The following DNAH8 variants were observed in gnomAD, a reference collection of about 807,000 sequenced individuals.
DNAH8 encodes the protein axonemal beta dynein heavy chain 8.
Under a neutral mutation model 562.1 loss-of-function variants are expected in DNAH8, and 382 were observed. The ratio of observed to expected loss-of-function variants is 0.68; its 90% CI spans 0.63 to 0.74. The LOEUF (loss-of-function observed/expected upper bound fraction) is 0.74. DNAH8 is among the 30% of genes least tolerant of loss of function. The probability of loss-of-function intolerance (pLI) is 0.00; values close to 1 mark genes in which losing one functional copy is unlikely to be tolerated. For synonymous variants in DNAH8, 1,881 were observed against 1,919.4 expected, an observed-to-expected ratio of 0.98 and a Z score of 0.52; for missense variants, 5,203 against 5,620.4, an observed-to-expected ratio of 0.93 and a Z score of 2.37.
chr6:38,758,996 TG>T (rs1766213140), intron 10 of DNAH8, among the ~76,000 whole-genome samples: 1 of 152,132 alleles, frequency 6.6e-6, no homozygotes, highest in Admixed American at 6.6e-5. Context: ...TAAAATAATT[TG>T]AGAAATTACT....
intron 8 of DNAH8, among the ~76,000 whole-genome samples, chr6:38,749,479 CAT>C (rs1765237652): frequency 6.8e-6 from 1 of 146,422 alleles, no homozygotes; most frequent in African/African-American, 2.5e-5. Context: ...CACCATGGCA[CAT>C]ATATACTATG....
intron 12 of DNAH8, among the ~76,000 whole-genome samples, chr6:38,773,937 T>C (rs1738266): frequency 6.6e-6 from 1 of 151,928 alleles, no homozygotes; most frequent in Admixed American, 6.6e-5. Context: ...ACAAGACTGA[T>C]GTTGGGGTTG....
intron 10 of DNAH8, among the ~76,000 whole-genome samples, chr6:38,760,259 G>C (rs1210822304): frequency 1.3e-5 from 2 of 152,100 alleles, no homozygotes; most frequent in Admixed American, 6.6e-5. Context: ...TCAAATGCTA[G>C]TGTGACTTGG....
chr6:38,744,497 A>G (rs1166068623), intron 8 of DNAH8: 1 of 152,120 alleles, frequency 6.6e-6, no homozygotes, highest in African/African-American at 2.4e-5. Context: ...TTTGCTGCTT[A>G]CTGGCTATTC....
chr6:38,959,860 CA>C (rs1762496008), intron 82 of DNAH8, among the ~76,000 whole-genome samples: 1 of 151,760 alleles, frequency 6.6e-6, no homozygotes, highest in Non-Finnish European at 1.5e-5. Context: ...TACCTGACTT[CA>C]AAATGTACTA....
At chr6:38,722,263 G>A (rs1762812489) in intron 1 of DNAH8, among the ~76,000 whole-genome samples, 1 of 152,176 alleles carries the variant, frequency 6.6e-6, no homozygotes, top group African/African-American at 2.4e-5. Flanking sequence ...TGGTAGATGA[G>A]ATGGCAGACA....
chr6:38,883,345 G>A lies in DNAH8; in HGVS notation c.8025G>A (p.Gln2675=), dbSNP rs559614887. The change falls in exon 55 of 93, where the codon CAG becomes CAA. Residue 2675 remains glutamine (Q), a synonymous_variant. Transcript: ENST00000327475. ...AGGCTGTTTTGCTCACAGGAGAGCA[G>A]GGAACTGCAAAAACTGTCATGGTTA... ...QHKAVLLTGE[Q]GTAKTVMVKA... The A allele has an allele frequency of 6.2e-7, 1 of 1,611,982 alleles. No homozygotes were observed. The highest frequency in any genetic ancestry group is 1.3e-5 in the African/African-American group (1 of 74,970).
rs556730526 is a variant in DNAH8, at chr6:38,915,117, A to G, written c.9964-84A>G. On this transcript the variant is annotated intron_variant, in intron 67 of 92. Transcript: ENST00000327475. ...CTTATTCGTGTTTTATATTATGTTG[A>G]ATAAATATTTGCTCACTATTCAGAT... 36 of 1,171,600 alleles carry G rather than the reference A, an allele frequency of 3.1e-5. No homozygotes were observed. In the African/African-American group the frequency reaches 4.3e-4, roughly 14 times the overall value. 72.6% of individuals were successfully genotyped at this position (1,171,600 alleles called of 1,614,324 possible).
intron 47 of DNAH8, among the ~76,000 whole-genome samples, chr6:38,867,337 C>A (rs1446205391): frequency 6.6e-6 from 1 of 151,976 alleles, no homozygotes; most frequent in Non-Finnish European, 1.5e-5. Context: ...CCACACCCAC[C>A]TCTCTCCCAA....
chr6:38,809,789 C>T (rs913806473), intron 24 of DNAH8, among the ~76,000 whole-genome samples: 33 of 152,090 alleles, frequency 2.2e-4, no homozygotes, highest in African/African-American at 6.8e-4. Context: ...CCTTTTGTTT[C>T]GGTCAGTTCT....
intron 82 of DNAH8, among the ~76,000 whole-genome samples, chr6:38,961,929 A>G (rs1762628209): frequency 6.6e-6 from 1 of 152,026 alleles, no homozygotes; most frequent in Non-Finnish European, 1.5e-5. Flanking sequence ...CTAACAAAAA[A>G]TACAAATGAA....
intron 53 of DNAH8, among the ~76,000 whole-genome samples, chr6:38,878,937 G>A (rs538052891): frequency 3.9e-4 from 60 of 152,054 alleles, no homozygotes; most frequent in Non-Finnish European, 7.2e-4. Flanking sequence ...ACGTTAATTC[G>A]CTTGTAATAA....
chr6:38,805,350 C>A, intron 22 of DNAH8, 131 bp from the exon 23 acceptor site: 1 of 617,188 alleles, frequency 1.6e-6, no homozygotes, highest in South Asian at 1.8e-5. Context: ...ATGCGAAAAG[C>A]ATTTTTCAAA....
chr6:38,772,031 T>G (rs540696738), intron 12 of DNAH8, among the ~76,000 whole-genome samples: 6 of 136,538 alleles, frequency 4.4e-5, no homozygotes, highest in African/African-American at 1.9e-4. Flanking sequence ...TATGATTTCT[T>G]TTTTTTTTTT....
chr6:38,873,711 AAAT>A (rs1777650673), intron 52 of DNAH8, among the ~76,000 whole-genome samples: 1 of 142,882 alleles, frequency 7.0e-6, no homozygotes. Context: ...AATAAATAAA[AAAT>A]AACACATACA....
At chr6:38,715,937 TATATATATATATATATA>T (rs1762265190) in intron 1 of DNAH8, among the ~76,000 whole-genome samples, 1 of 24,600 alleles carries the variant, frequency 4.1e-5, no homozygotes, top group East Asian at 1.8e-3. Context: ...TATATATATA[TATATATATATATATATA>T]TATATATTTT....
intron 87 of DNAH8, among the ~76,000 whole-genome samples, chr6:38,984,528 C>T (rs1764250695): frequency 6.6e-6 from 1 of 152,106 alleles, no homozygotes; most frequent in African/African-American, 2.4e-5. Context: ...CATGGTGGCT[C>T]ACGCCTGTAA....
intron 37 of DNAH8, 38 bp from the exon 38 acceptor site, chr6:38,850,213 C>T: frequency 1.3e-6 from 2 of 1,584,170 alleles, no homozygotes; most frequent in African/African-American, 1.4e-5. Flanking sequence ...TTCAATTATC[C>T]AAATGCTAAT....
At chr6:38,739,635 A>G (rs1764372504) in intron 7 of DNAH8, among the ~76,000 whole-genome samples, 1 of 152,134 alleles carries the variant, frequency 6.6e-6, no homozygotes. Flanking sequence ...AGTGAGACCC[A>G]GCCTCAAAAT....
Sources: gnomAD v4.1 joint callset for allele counts (sites outside exome capture counted in the v4.1 genomes callset) on GRCh38, gnomAD v4.1.1 for gene constraint, MANE v1.5 for transcripts, NCBI Gene and HGNC (gene_info 2026-07-23, HGNC 2026-07-21) for gene names.